The following MCU variants were observed in gnomAD, a reference collection of about 807,000 sequenced individuals.
The protein encoded by MCU is mitochondrial calcium uniporter.
A neutral mutation model predicts 45.2 loss-of-function variants in MCU; 12 were observed. That is an observed-to-expected ratio of 0.27 (90% confidence interval 0.17 to 0.43). The LOEUF is 0.43. MCU is among the 20% of genes least tolerant of loss of function. MCU has a pLI of 1.00. For synonymous variants in MCU, 160 were observed against 165.1 expected, an observed-to-expected ratio of 0.97 and a Z score of 0.24; for missense variants, 324 against 436.7, an observed-to-expected ratio of 0.74 and a Z score of 2.30.
intron 1 of MCU, among the ~76,000 whole-genome samples, chr10:72,709,439 T>C (rs1272031421): frequency 2.0e-5 from 3 of 152,236 alleles, no homozygotes; most frequent in African/African-American, 7.2e-5. Context: ...TTGCTTTTGA[T>C]GGAATTACAT....
At chr10:72,847,121 G>A (rs1845134907) in intron 2 of MCU, among the ~76,000 whole-genome samples, 1 of 152,160 alleles carries the variant, frequency 6.6e-6, no homozygotes, top group African/African-American at 2.4e-5. Flanking sequence ...ACAGGCACAC[G>A]CCACCATGCC....
chr10:72,807,064 G>GTGAACGTGGTTCCTT (rs1481253257), intron 1 of MCU, among the ~76,000 whole-genome samples: 1 of 152,208 alleles, frequency 6.6e-6, no homozygotes, highest in Non-Finnish European at 1.5e-5. Context: ...TGCTTTGGTA[G>GTGAACGTGGTTCCTT]TGAACGTGGT....
chr10:72,832,034 AAAAC>A lies in MCU; in HGVS notation c.151-2321_151-2318del, dbSNP rs369106969. ...TTTCTTAAGGAATATATATATAACT[AAAAC>A]AAAGCAAGCACAAATCTTTGAGTAA... On this transcript the variant is annotated intron_variant, in intron 1 of 7. Coordinates refer to ENST00000373053, the MANE Select transcript of MCU (RefSeq NM_138357.3). Among the ~76,000 whole-genome samples, 227 of 152,270 alleles carry A rather than the reference AAAAC, an allele frequency of 1.5e-3. 9 individuals are homozygous for A. In the South Asian group the frequency reaches 0.045, roughly 30 times the overall value.
intron 1 of MCU, among the ~76,000 whole-genome samples, chr10:72,704,632 A>G (rs1312393010): frequency 6.7e-6 from 1 of 150,206 alleles, no homozygotes; most frequent in African/African-American, 2.4e-5. Flanking sequence ...CGAACTCCTG[A>G]GCTGAAGGGA....
At chr10:72,746,977 G>A (rs1383926269) in intron 1 of MCU, among the ~76,000 whole-genome samples, 1 of 152,180 alleles carries the variant, frequency 6.6e-6, no homozygotes, top group Non-Finnish European at 1.5e-5. Context: ...AACTGTCTGG[G>A]CCTTTTCAGC....
intron 1 of MCU, among the ~76,000 whole-genome samples, chr10:72,779,388 T>G (rs1381957720): frequency 6.6e-6 from 1 of 152,206 alleles, no homozygotes; most frequent in Non-Finnish European, 1.5e-5. Context: ...TCAAATGATC[T>G]TTTAGGTATA....
At chr10:72,746,620 CT>C (rs1445463994) in intron 1 of MCU, among the ~76,000 whole-genome samples, 1 of 152,196 alleles carries the variant, frequency 6.6e-6, no homozygotes, top group Non-Finnish European at 1.5e-5. Flanking sequence ...CTGAAGTTGT[CT>C]CCAAACAGAG....
Position 72,868,816 on chromosome 10 carries a change from A to T in MCU, c.610A>T (p.Ile204Phe). The T allele has an allele frequency of 1.9e-6, 3 of 1,614,190 alleles. No individual in the cohort carries two copies. The South Asian group carries it at 3.3e-5, about 18-fold the overall frequency. The change falls in exon 5 of 8, where the codon ATT becomes TTT. Residue 204 changes from isoleucine to phenylalanine, a missense_variant. Around this residue, in one of 4 missense-constraint regions of MCU, gnomAD observed 135 missense variants for 207.3 expected, o/e 0.65. Transcript: ENST00000373053. Reference sequence around the variant, plus strand: ...CCAGTTAAACAAGGAAAGGGAGCTTATTGAAAGACTAGAGGATCTCAAAGA... The same window carrying T: ...CCAGTTAAACAAGGAAAGGGAGCTTTTTGAAAGACTAGAGGATCTCAAAGA... The part of the protein sequence containing the change: ...QHQLNKEREL[I>F]ERLEDLKEQL...
intron 2 of MCU, among the ~76,000 whole-genome samples, chr10:72,847,626 G>C (rs1014151798): frequency 2.0e-5 from 3 of 152,140 alleles, no homozygotes; most frequent in Non-Finnish European, 4.4e-5. Flanking sequence ...ATAAATATAT[G>C]CAAAGTCATA....
At position 72,804,140 on chromosome 10, in the gene MCU, G is replaced by A. The variant is rs146827743; in HGVS notation, c.151-30219G>A. Among the ~76,000 whole-genome samples, 651 of 143,636 alleles carry A rather than the reference G, an allele frequency of 4.5e-3. 4 individuals are homozygous for A. Among genetic ancestry groups the A allele is most frequent in the African/African-American group, 0.016 (625 of 39,214 alleles). 94.2% of individuals were successfully genotyped at this position (143,636 alleles called of 152,430 possible). A position where few individuals can be genotyped will look rare whatever the true frequency, so the allele number is the denominator to read the frequency against. The stretch of plus-strand genomic sequence containing the variant: ...CAGAGTCTCTCACTCAAGCTGGAGT[G>A]CAATGGCACAGTCTTGGCTCACTGC... On this transcript the variant is annotated intron_variant, in intron 1 of 7. Coordinates refer to ENST00000373053, the MANE Select transcript of MCU (RefSeq NM_138357.3).
Position 72,709,077 on chromosome 10 carries a change from C to A in MCU, c.150+16776C>A, listed in dbSNP as rs559530335. On this transcript the variant is annotated intron_variant, in intron 1 of 7. Coordinates refer to ENST00000373053, the MANE Select transcript of MCU (RefSeq NM_138357.3). The stretch of plus-strand genomic sequence containing the variant: ...TGGCATGATTGGTGGGGGTATGGGC[C>A]ATGCTGGACACTGCAGAAGAGAGAA... 8.5e-5 allele frequency among the ~76,000 whole-genome samples: 13 copies of A among 152,134 alleles called. No homozygotes were observed. In the South Asian group the frequency reaches 2.7e-3, roughly 32 times the overall value.
intron 1 of MCU, among the ~76,000 whole-genome samples, chr10:72,759,875 CAAG>C (rs1451921224): frequency 1.3e-5 from 2 of 152,056 alleles, no homozygotes; most frequent in African/African-American, 4.8e-5. Flanking sequence ...GCCTGCAAGC[CAAG>C]AAGAGAGCCC....
At chr10:72,766,375 C>A (rs1383451200) in intron 1 of MCU, among the ~76,000 whole-genome samples, 1 of 152,118 alleles carries the variant, frequency 6.6e-6, no homozygotes, top group Non-Finnish European at 1.5e-5. Flanking sequence ...TTGCCACAGT[C>A]TCTGCAGTTC....
chr10:72,733,747 C>T (rs915810187), intron 1 of MCU, among the ~76,000 whole-genome samples: 4 of 148,988 alleles, frequency 2.7e-5, no homozygotes, highest in African/African-American at 9.9e-5. Context: ...GCTTAACTTG[C>T]AGCATCTACT....
chr10:72,875,403 A>C (rs536016972), intron 6 of MCU, among the ~76,000 whole-genome samples: 1 of 152,248 alleles, frequency 6.6e-6, no homozygotes, highest in African/African-American at 2.4e-5. Flanking sequence ...TACCTGTCCT[A>C]CTAGTTAAAT....
intron 4 of MCU, among the ~76,000 whole-genome samples, chr10:72,864,097 G>C (rs1362742548): frequency 6.6e-6 from 1 of 152,166 alleles, no homozygotes; most frequent in African/African-American, 2.4e-5. Flanking sequence ...CTGGTACATA[G>C]TATACTACTC....
chr10:72,849,366 A>G (rs989522011), intron 2 of MCU, among the ~76,000 whole-genome samples: 1 of 152,062 alleles, frequency 6.6e-6, no homozygotes, highest in Non-Finnish European at 1.5e-5. Context: ...ATAGTCAAGG[A>G]TGCCAGGTAA....
intron 1 of MCU, among the ~76,000 whole-genome samples, chr10:72,719,734 C>T (rs1022885014): frequency 1.3e-5 from 2 of 152,136 alleles, no homozygotes; most frequent in Non-Finnish European, 2.9e-5. Flanking sequence ...GGCATTTATC[C>T]TTTATATTAC....
At chr10:72,771,370 C>T (rs1195520800) in intron 1 of MCU, among the ~76,000 whole-genome samples, 1 of 152,190 alleles carries the variant, frequency 6.6e-6, no homozygotes, top group African/African-American at 2.4e-5. Flanking sequence ...AGGACACAAA[C>T]TCATCCTTTT....
Sources: allele counts gnomAD v4.1 joint callset (sites outside exome capture counted in the v4.1 genomes callset), GRCh38; gene constraint gnomAD v4.1.1; regional missense constraint gnomAD v4.1.1; transcripts MANE v1.5; gene names NCBI Gene and HGNC (gene_info 2026-07-23, HGNC 2026-07-21).